Variants in NTM observed in about 807,000 individuals in gnomAD.
NTM encodes the protein neurotrimin, also known as IgLON family member 2.
In NTM, 13 loss-of-function variants were observed where a neutral mutation model predicts 42.1. The ratio of observed to expected loss-of-function variants is 0.31; its 90% CI spans 0.20 to 0.49. The LOEUF is 0.49. Among genes scored for constraint, NTM ranks in the 20% least tolerant of loss-of-function variants. The pLI is 0.99. For synonymous variants in NTM, 187 were observed against 179.2 expected (o/e 1.04, Z -0.35); for missense variants, 373 against 452.8 (o/e 0.82, Z 1.60).
chr11:131,831,294 G>A (rs1456856318), intron 1 of NTM, among the ~76,000 whole-genome samples: 2 of 152,060 alleles, frequency 1.3e-5, no homozygotes, highest in Non-Finnish European at 2.9e-5. Context: ...CTAAATTTTT[G>A]TAGTTTGCCC....
chr11:131,505,600 G>A (rs777849016), intron 1 of NTM, among the ~76,000 whole-genome samples: 1 of 152,258 alleles, frequency 6.6e-6, no homozygotes, highest in Admixed American at 6.5e-5. Flanking sequence ...CAGGCAGCTG[G>A]CAAATCTAGG....
intron 4 of NTM, among the ~76,000 whole-genome samples, chr11:132,247,514 A>G (rs2091350365): frequency 6.6e-6 from 1 of 152,194 alleles, no homozygotes; most frequent in Non-Finnish European, 1.5e-5. Context: ...CTTCTTTCCA[A>G]TAAATGTTTA....
At chr11:132,120,056 A>ACCCCCGTCTGAGC (rs1210015497) in intron 2 of NTM, among the ~76,000 whole-genome samples, 2 of 151,754 alleles carry the variant, frequency 1.3e-5, no homozygotes, top group African/African-American at 4.8e-5. Context: ...GCGAATCAGG[A>ACCCCCGTCTGAGC]CCCCCGTCTG....
intron 2 of NTM, among the ~76,000 whole-genome samples, chr11:132,096,005 A>G (rs1330913484): frequency 6.6e-6 from 1 of 152,144 alleles, no homozygotes; most frequent in Non-Finnish European, 1.5e-5. Flanking sequence ...GCAGGATGTC[A>G]TTTCTATCCC....
intron 1 of NTM, among the ~76,000 whole-genome samples, chr11:131,487,326 T>C (rs940425773): frequency 6.6e-6 from 1 of 152,214 alleles, no homozygotes; most frequent in African/African-American, 2.4e-5. Flanking sequence ...AAGTTCCATA[T>C]TCAGGACCCA....
chr11:131,614,535 G>A (rs778731958), intron 1 of NTM, among the ~76,000 whole-genome samples: 1 of 152,192 alleles, frequency 6.6e-6, no homozygotes, highest in Non-Finnish European at 1.5e-5. Flanking sequence ...CAGTGACCCA[G>A]AGAAAGCCCA....
At chr11:131,558,485 G>T (rs935437367) in intron 1 of NTM, among the ~76,000 whole-genome samples, 12 of 152,022 alleles carry the variant, frequency 7.9e-5, no homozygotes, top group African/African-American at 2.9e-4. Flanking sequence ...GATTCCAAAG[G>T]GTTCAACCAC....
chr11:131,668,028 C>A (rs750071965), intron 1 of NTM, among the ~76,000 whole-genome samples: 7 of 152,188 alleles, frequency 4.6e-5, no homozygotes, highest in Admixed American at 3.9e-4. Flanking sequence ...TGAGAGATAG[C>A]TTTTGTCGTT....
chr11:131,470,693 T>C (rs1281822811), intron 1 of NTM, among the ~76,000 whole-genome samples: 3 of 152,194 alleles, frequency 2.0e-5, no homozygotes, highest in African/African-American at 7.2e-5. Context: ...CATGCTCTCT[T>C]GGCTCACAGG....
intron 2 of NTM, among the ~76,000 whole-genome samples, chr11:132,051,722 C>T (rs936801079): frequency 2.6e-5 from 4 of 152,182 alleles, no homozygotes; most frequent in Non-Finnish European, 4.4e-5. Context: ...TGGCTAAGCC[C>T]TGGCCACTCC....
At chr11:131,671,212 A>G (rs1241857324) in intron 1 of NTM, among the ~76,000 whole-genome samples, 6 of 152,050 alleles carry the variant, frequency 3.9e-5, no homozygotes, top group Non-Finnish European at 7.4e-5. Context: ...CAGCAACTTT[A>G]TGGATGCCAG....
At position 132,330,706 on chromosome 11, in the gene NTM, C is replaced by T. The variant is rs183201088; in HGVS notation, c.967+521C>T. 1.3e-4 allele frequency among the ~76,000 whole-genome samples: 20 copies of T among 152,280 alleles called. No individual in the cohort carries two copies. The East Asian group carries it at 3.5e-3, about 26-fold the overall frequency. ...AAGCTTTCATTCCTGCCAGATGTTT[C>T]CGATGGATAATTGACACTCATCACC... On this transcript the variant is annotated intron_variant, in intron 8 of 8. Transcript: ENST00000683400.
At chr11:131,560,359 C>A (rs891593196) in intron 1 of NTM, among the ~76,000 whole-genome samples, 2 of 152,102 alleles carry the variant, frequency 1.3e-5, no homozygotes, top group African/African-American at 4.8e-5. Context: ...AATTTTGATT[C>A]AAAAATACAC....
chr11:131,806,756 A>G (rs1211169594), intron 1 of NTM, among the ~76,000 whole-genome samples: 2 of 152,154 alleles, frequency 1.3e-5, no homozygotes, highest in East Asian at 3.9e-4. Flanking sequence ...ACTCTCTGAT[A>G]TTAGAAAAAC....
At chr11:131,640,870 C>CAGT (rs2065046000) in intron 1 of NTM, among the ~76,000 whole-genome samples, 1 of 152,186 alleles carries the variant, frequency 6.6e-6, no homozygotes, top group Non-Finnish European at 1.5e-5. Flanking sequence ...TAACTAAAGG[C>CAGT]AACTGATCTC....
At chr11:132,268,666 CTCTCTGTG>C (rs1161589661) in intron 4 of NTM, among the ~76,000 whole-genome samples, 2 of 87,972 alleles carry the variant, frequency 2.3e-5, no homozygotes, top group Admixed American at 1.0e-4. Context: ...TCCTCTCTCT[CTCTCTGTG>C]TGTGTGTGTG....
At position 132,012,028 on chromosome 11, in the gene NTM, T is replaced by C. The variant is rs1228168372; in HGVS notation, c.167+100380T>C. ...TATAATATAGTCATGTGTACCTTTATGTACCACATCTTCCTTTCCACATAG... is the reference window on the plus strand; with the variant it reads ...TATAATATAGTCATGTGTACCTTTACGTACCACATCTTCCTTTCCACATAG... On this transcript the variant is annotated intron_variant, in intron 2 of 8. Transcript: ENST00000683400. 3.9e-5 allele frequency among the ~76,000 whole-genome samples: 6 copies of C among 152,332 alleles called. No individual in the cohort carries two copies. In the South Asian group the frequency reaches 8.3e-4, roughly 21 times the overall value.
At chr11:132,128,723 G>C (rs1223974167) in intron 2 of NTM, among the ~76,000 whole-genome samples, 1 of 151,386 alleles carries the variant, frequency 6.6e-6, no homozygotes, top group Non-Finnish European at 1.5e-5. Context: ...GACCATCCTG[G>C]CTAACACGGT....
intron 2 of NTM, among the ~76,000 whole-genome samples, chr11:131,989,384 T>C (rs1188558141): frequency 2.6e-5 from 4 of 152,222 alleles, no homozygotes; most frequent in Non-Finnish European, 5.9e-5. Context: ...CATGTTTGAC[T>C]TACTCATTGC....
Sources: allele counts gnomAD v4.1 joint callset (sites outside exome capture counted in the v4.1 genomes callset), GRCh38; gene constraint gnomAD v4.1.1; transcripts MANE v1.5; gene names NCBI Gene and HGNC (gene_info 2026-07-23, HGNC 2026-07-21).